The following KIF15 variants were observed in gnomAD, a reference collection of about 807,000 sequenced individuals.
KIF15 encodes kinesin-like protein KIF15.
In KIF15, 140 loss-of-function variants were observed where a neutral mutation model predicts 190.6. That is an observed-to-expected ratio of 0.73 (90% confidence interval 0.64 to 0.84). The LOEUF is 0.84. Among genes scored for constraint, KIF15 ranks in the 40% least tolerant of loss-of-function variants. The pLI is 0.00. For missense variants in KIF15, 1,372 were observed against 1,584.4 expected, an observed-to-expected ratio of 0.87 and a Z score of 2.28; for synonymous variants, 528 against 551.3, an observed-to-expected ratio of 0.96 and a Z score of 0.59.
At chr3:44,839,556 G>A (rs983911215) in intron 27 of KIF15, among the ~76,000 whole-genome samples, 3 of 152,040 alleles carry the variant, frequency 2.0e-5, no homozygotes, top group Admixed American at 6.6e-5. Flanking sequence ...GGAAGAAACC[G>A]CAATTACTTT....
At position 44,805,103 on chromosome 3, in the gene KIF15, C is replaced by G. The variant is rs1355208116; in HGVS notation, c.1764C>G (p.Leu588=). 1.9e-6 allele frequency: 3 copies of G among 1,613,808 alleles called. No homozygotes were observed. In the East Asian group the frequency reaches 6.7e-5, roughly 36 times the overall value. Residue 588 remains leucine (L), a synonymous_variant, in exon 15 of 35, where the codon CTC becomes CTG. Transcript: ENST00000326047. ...ACACTGAGAAGTTAAAAGCACAACT[C>G]CTGCAAATTCAGACAGAGCTGAATA... The part of the protein sequence containing the change: ...FANTEKLKAQ[L]LQIQTELNNS...
intron 16 of KIF15, among the ~76,000 whole-genome samples, chr3:44,808,557 C>T (rs1011747303): frequency 2.7e-5 from 4 of 150,920 alleles, no homozygotes; most frequent in Non-Finnish European, 4.4e-5. Flanking sequence ...ACTGAGAAAA[C>T]ACATAGAGTT....
chr3:44,812,299 A>ATGCAGGAGCT lies in KIF15; in HGVS notation c.2277+10_2277+11insTGCAGGAGCT. On this transcript the variant is annotated intron_variant, in intron 18 of 34. Coordinates refer to ENST00000326047, the MANE Select transcript of KIF15 (RefSeq NM_020242.3). ...TACCCAAATGCAGGAGGTGAGACCA[A>ATGCAGGAGCT]GAGCACAGCCTCAGAAAATGTATGA... 6.3e-7 allele frequency: 1 copy of ATGCAGGAGCT among 1,590,252 alleles called. No individual in the cohort carries two copies. Among genetic ancestry groups the ATGCAGGAGCT allele is most frequent in the East Asian group, 2.2e-5 (1 of 44,728 alleles).
At chr3:44,800,238 A>T (rs950884598) in intron 10 of KIF15, 76 bp from the exon 11 acceptor site, 3 of 1,403,348 alleles carry the variant, frequency 2.1e-6, no homozygotes, top group Non-Finnish European at 3.0e-6. Context: ...TACAAATCAT[A>T]CCAAACAAAT....
At chr3:44,842,360 G>C (rs1698652415) in intron 29 of KIF15, among the ~76,000 whole-genome samples, 1 of 152,142 alleles carries the variant, frequency 6.6e-6, no homozygotes, top group Admixed American at 6.5e-5. Flanking sequence ...TGTCTGGGTA[G>C]GTGTGTAGGT....
intron 6 of KIF15, chr3:44,864,201 G>A (rs756373191): frequency 6.2e-7 from 1 of 1,614,020 alleles, no homozygotes; most frequent in Non-Finnish European, 8.5e-7. Context: ...CTGCAGGTGA[G>A]CATGGGTTTA....
chr3:44,763,990 A>T (rs1258590846), intron 1 of KIF15, among the ~76,000 whole-genome samples: 4 of 152,166 alleles, frequency 2.6e-5, no homozygotes, highest in African/African-American at 7.2e-5. Context: ...ACCTGGCCTA[A>T]GATTCCCTTT....
At chr3:44,823,334 C>T (rs769124189) in intron 20 of KIF15, among the ~76,000 whole-genome samples, 2 of 152,140 alleles carry the variant, frequency 1.3e-5, no homozygotes, top group Non-Finnish European at 2.9e-5. Context: ...GTATCACCAG[C>T]GGAGGCTGCA....
chr3:44,779,821 GAAA>G (rs397875811), intron 4 of KIF15, among the ~76,000 whole-genome samples: 10 of 99,968 alleles, frequency 1.0e-4, no homozygotes, highest in African/African-American at 1.9e-4. Flanking sequence ...GTGACAGAGT[GAAA>G]AAAAAAAAAA....
intron 6 of KIF15, among the ~76,000 whole-genome samples, chr3:44,861,582 TTTAA>T (rs1178324876): frequency 2.0e-5 from 3 of 152,072 alleles, no homozygotes; most frequent in Non-Finnish European, 4.4e-5. Flanking sequence ...GTTAGGCATC[TTTAA>T]TAAGTTTCAC....
chr3:44,818,059 A>G (rs556331531), intron 20 of KIF15, among the ~76,000 whole-genome samples: 64 of 152,210 alleles, frequency 4.2e-4, no homozygotes, highest in Non-Finnish European at 7.2e-4. Context: ...TTATTGGTAC[A>G]TAGGAATGCT....
At chr3:44,796,605 C>G (rs866595183) in intron 8 of KIF15, among the ~76,000 whole-genome samples, 2 of 152,198 alleles carry the variant, frequency 1.3e-5, no homozygotes, top group African/African-American at 4.8e-5. Context: ...AGCAGTGACT[C>G]TGAATTCAGT....
chr3:44,789,668 AT>A lies in KIF15; in HGVS notation c.639+3095del, dbSNP rs1158765447. On this transcript the variant is annotated intron_variant, in intron 7 of 34. Coordinates refer to ENST00000326047, the MANE Select transcript of KIF15 (RefSeq NM_020242.3). The stretch of plus-strand genomic sequence containing the variant: ...TATATATATATATATATATATATAT[AT>A]ATATATATATATATATATATATAAA... Among the ~76,000 whole-genome samples the A allele has an allele frequency of 1.4e-4, 18 of 132,008 alleles. 2 individuals carry two copies. The highest frequency in any genetic ancestry group is 6.2e-4 in the East Asian group (3 of 4,858). The allele number at this position is 132,008 out of a possible 152,430, so 86.6% of individuals were successfully genotyped here. A position where few individuals can be genotyped will look rare whatever the true frequency, so the allele number is the denominator to read the frequency against.
intron 7 of KIF15, among the ~76,000 whole-genome samples, chr3:44,787,941 G>A (rs2372829): frequency 0.45 from 68,015 of 151,798 alleles, 16,395 homozygotes; most frequent in East Asian, 0.82. Context: ...TGCAACCTCC[G>A]CCTCCTAGGT....
chr3:44,821,044 TC>T (rs1708258088), intron 20 of KIF15, among the ~76,000 whole-genome samples: 2 of 125,362 alleles, frequency 1.6e-5, no homozygotes, highest in Non-Finnish European at 3.3e-5. Context: ...CCCCCCCACC[TC>T]CCTCCCGGAT....
At chr3:44,864,495 A>T in intron 6 of KIF15, 3 of 848,770 alleles carry the variant, frequency 3.5e-6, no homozygotes, top group Non-Finnish European at 5.4e-6. Flanking sequence ...TGCTCTATTC[A>T]TGGAGCAAAT....
At chr3:44,826,601 G>T in intron 22 of KIF15, 141 bp downstream of exon 22, 1 of 597,150 alleles carries the variant, frequency 1.7e-6, no homozygotes, top group Non-Finnish European at 2.9e-6. Flanking sequence ...AGGTTCTTTT[G>T]TATAAATGGC....
chr3:44,805,463 A>G (rs1311837616), intron 15 of KIF15, among the ~76,000 whole-genome samples: 1 of 152,236 alleles, frequency 6.6e-6, no homozygotes. Flanking sequence ...TTTAGGAAGT[A>G]TAGGTTTGTT....
At chr3:44,857,387 G>A (rs570669819), downstream of KIF15, among the ~76,000 whole-genome samples, 11 of 152,324 alleles carry the variant, frequency 7.2e-5, no homozygotes, top group East Asian at 1.9e-4. Flanking sequence ...AGCAGCAGCC[G>A]CTGCACGGAG....
Sources: allele counts gnomAD v4.1 joint callset (sites outside exome capture counted in the v4.1 genomes callset), GRCh38; gene constraint gnomAD v4.1.1; transcripts MANE v1.5; gene names NCBI Gene and HGNC (gene_info 2026-07-23, HGNC 2026-07-21).